The following CHN2 variants were observed in gnomAD, a reference collection of about 807,000 sequenced individuals.
The protein encoded by CHN2 is beta-chimaerin.
In CHN2, 35 loss-of-function variants were observed where a neutral mutation model predicts 56.3. That is an observed-to-expected ratio of 0.62 (90% CI 0.47 to 0.82). CHN2 has a LOEUF of 0.82. CHN2 is among the 40% of genes least tolerant of loss of function. The pLI is 0.00. For synonymous variants in CHN2, 210 were observed against 212.8 expected, an observed-to-expected ratio of 0.99 and a Z score of 0.12; for missense variants, 491 against 580.5, an observed-to-expected ratio of 0.85 and a Z score of 1.58.
rs1282092407 is a variant in CHN2, at chr7:29,381,478, G to A, written c.145-12201G>A. ...ATGTAGCAAAGAAGAGTGGGTGAAA[G>A]TGAGCTGCTGGGAAGAAGGGCTGGA... On this transcript the variant is annotated intron_variant, in intron 3 of 12. Transcript: ENST00000222792. Among the ~76,000 whole-genome samples, 4 of 152,276 alleles carry A rather than the reference G, an allele frequency of 2.6e-5. No individual in the cohort carries two copies. In the South Asian group the frequency reaches 6.2e-4, roughly 24 times the overall value.
intron 12 of CHN2, among the ~76,000 whole-genome samples, chr7:29,511,351 C>T (rs1322518836): frequency 6.6e-6 from 1 of 152,132 alleles, no homozygotes; most frequent in African/African-American, 2.4e-5. Flanking sequence ...ATCTGGCTTT[C>T]AATTAGCTGT....
chr7:29,381,978 C>T (rs527643812), intron 3 of CHN2, among the ~76,000 whole-genome samples: 52 of 152,158 alleles, frequency 3.4e-4, no homozygotes, highest in African/African-American at 1.2e-3. Flanking sequence ...TGATGGTTAG[C>T]GTCAGAGTTC....
At chr7:29,412,662 T>G (rs1216952434) in intron 6 of CHN2, among the ~76,000 whole-genome samples, 2 of 152,146 alleles carry the variant, frequency 1.3e-5, no homozygotes, top group Non-Finnish European at 2.9e-5. Context: ...GTAAACCAGA[T>G]TCTCAGCAAC....
intron 6 of CHN2, among the ~76,000 whole-genome samples, chr7:29,438,695 C>A (rs1317353593): frequency 6.6e-6 from 1 of 152,182 alleles, no homozygotes; most frequent in Admixed American, 6.5e-5. Flanking sequence ...CTTTCCTCTC[C>A]TCTTATGCCA....
At chr7:29,481,053 C>T (rs1244246897) in intron 7 of CHN2, among the ~76,000 whole-genome samples, 1 of 152,176 alleles carries the variant, frequency 6.6e-6, no homozygotes, top group Non-Finnish European at 1.5e-5. Context: ...GGCCTGCCAT[C>T]AGAAAATTAT....
intron 7 of CHN2, among the ~76,000 whole-genome samples, chr7:29,485,621 G>T (rs939669329): frequency 1.3e-5 from 2 of 152,202 alleles, no homozygotes; most frequent in Non-Finnish European, 2.9e-5. Context: ...GAAAGAAAGA[G>T]CACCCGGGCT....
chr7:29,311,274 ATCCATCTTAAGAGGT>A (rs1274877706), intron 1 of CHN2, among the ~76,000 whole-genome samples: 1 of 152,124 alleles, frequency 6.6e-6, no homozygotes, highest in East Asian at 1.9e-4. Flanking sequence ...GGCAAATGTG[ATCCATCTTAAGAGGT>A]TCAAGGGCCA....
intron 2 of CHN2, among the ~76,000 whole-genome samples, chr7:29,186,729 A>G (rs1484695337): frequency 6.6e-6 from 1 of 152,188 alleles, no homozygotes; most frequent in Non-Finnish European, 1.5e-5. Context: ...CTCAAACAGG[A>G]AAATACTTAC....
chr7:29,464,664 G>A (rs1054191589), intron 6 of CHN2, among the ~76,000 whole-genome samples: 1 of 152,200 alleles, frequency 6.6e-6, no homozygotes, highest in Admixed American at 6.5e-5. Context: ...TTTGAAAATG[G>A]CTACTCATGA....
chr7:29,431,246 C>T (rs529518933), intron 6 of CHN2, among the ~76,000 whole-genome samples: 8 of 152,148 alleles, frequency 5.3e-5, no homozygotes, highest in Non-Finnish European at 1.0e-4. Flanking sequence ...GAAGGCCCTA[C>T]CATCACTTTC....
intron 7 of CHN2, among the ~76,000 whole-genome samples, chr7:29,481,658 G>GGT (rs1554300370): frequency 7.6e-6 from 1 of 130,854 alleles, no homozygotes; most frequent in Non-Finnish European, 1.6e-5. Context: ...AATGCCTCCC[G>GGT]TTTTTTTTTT....
At chr7:29,170,783 G>T (rs1012301904) in intron 2 of CHN2, among the ~76,000 whole-genome samples, 1 of 151,538 alleles carries the variant, frequency 6.6e-6, no homozygotes, top group African/African-American at 2.4e-5. Context: ...TATGGCTGGT[G>T]GGGGGGCCTC....
At chr7:29,268,717 C>G (rs1056498193) in intron 1 of CHN2, among the ~76,000 whole-genome samples, 10 of 152,198 alleles carry the variant, frequency 6.6e-5, no homozygotes, top group South Asian at 2.1e-4. Flanking sequence ...AGCCAAGGCC[C>G]TGCACGAGGC....
chr7:29,165,600 A>G (rs925902908), intron 2 of CHN2, among the ~76,000 whole-genome samples: 1 of 152,212 alleles, frequency 6.6e-6, no homozygotes, highest in African/African-American at 2.4e-5. Context: ...TGACAAGTAG[A>G]AGTGATAGAA....
Position 29,260,938 on chromosome 7 carries a change from A to G in CHN2, c.49+65948A>G, listed in dbSNP as rs551196150. ...ATCCCCAATTCATAAGCCACTTTGC[A>G]ATTGTATTGTATTTTCTTTCTAATA... On this transcript the variant is annotated intron_variant, in intron 1 of 12. Transcript: ENST00000222792. Among the ~76,000 whole-genome samples, 11 of 152,274 alleles carry G rather than the reference A, an allele frequency of 7.2e-5. No individual in the cohort carries two copies. The East Asian group carries it at 1.2e-3, about 16-fold the overall frequency.
chr7:29,321,628 T>C (rs1280269202), intron 1 of CHN2, among the ~76,000 whole-genome samples: 2 of 147,862 alleles, frequency 1.4e-5, no homozygotes, highest in African/African-American at 2.5e-5. Flanking sequence ...TGGAGTGCAA[T>C]GGCACAATCT....
chr7:29,341,906 T>C (rs1349231905), intron 1 of CHN2, among the ~76,000 whole-genome samples: 2 of 152,226 alleles, frequency 1.3e-5, no homozygotes, highest in African/African-American at 4.8e-5. Context: ...ACCAACCATG[T>C]GGCCTTGGGA....
At chr7:29,231,409 A>C (rs566494280) in intron 1 of CHN2, among the ~76,000 whole-genome samples, 2 of 152,216 alleles carry the variant, frequency 1.3e-5, no homozygotes, top group African/African-American at 2.4e-5. Context: ...TTTGTATAAA[A>C]GGACAGTCTT....
intron 6 of CHN2, among the ~76,000 whole-genome samples, chr7:29,453,380 A>C (rs1784537077): frequency 6.6e-6 from 1 of 152,122 alleles, no homozygotes; most frequent in African/African-American, 2.4e-5. Context: ...CTACTTTGGC[A>C]CCAGGCAGCC....
Sources: allele counts gnomAD v4.1 joint callset (sites outside exome capture counted in the v4.1 genomes callset), GRCh38; gene constraint gnomAD v4.1.1; transcripts MANE v1.5; gene names NCBI Gene and HGNC (gene_info 2026-07-23, HGNC 2026-07-21).